Variants in WDR19 observed in about 807,000 individuals in gnomAD.
WDR19 encodes WD repeat-containing protein 19.
WDR19 carries 121 observed loss-of-function variants against 180.0 expected under a neutral mutation model. The observed-to-expected ratio is 0.67, with a 90% CI of 0.58 to 0.78. The LOEUF (loss-of-function observed/expected upper bound fraction) is 0.78. Ranked by LOEUF, WDR19 falls within the 30% of genes least tolerant of loss-of-function variation. WDR19 has a pLI of 0.00. For missense variants in WDR19, 1,450 were observed against 1,640.7 expected (o/e 0.88, Z 2.01); for synonymous variants, 497 against 540.7 (o/e 0.92, Z 1.12).
In WDR19 at chr4:39,239,906, G is replaced by A. The variant is rs528021142; in HGVS notation, c.2364-371G>A. Among the ~76,000 whole-genome samples the A allele has an allele frequency of 7.2e-5, 11 of 152,242 alleles. No homozygotes were observed. In the South Asian group the frequency reaches 2.3e-3, roughly 32 times the overall value. On this transcript the variant is annotated intron_variant, in intron 20 of 36. Coordinates refer to ENST00000399820, the MANE Select transcript of WDR19 (RefSeq NM_025132.4). ...ATTGGTCTACTACTCCCCAGTGGTG[G>A]CTCATGCCTGTAATCCCAGCACTTT...
chr4:39,266,067 G>T lies in WDR19; in HGVS notation c.3188G>T (p.Gly1063Val), dbSNP rs760222006. The change falls in exon 29 of 37, where the codon GGT becomes GTT. Residue 1063 changes from glycine to valine, a missense_variant. Physicochemically the swap from Gly to Val is moderately radical, Grantham distance 109 (BLOSUM62 -3). Coordinates refer to ENST00000399820, the MANE Select transcript of WDR19 (RefSeq NM_025132.4). Reference sequence around the variant, plus strand: ...TTTTTCTCTCTTATTAAACAGGTTGGTCAGGCCAAAGATGAACTGCTGACC... The same window carrying T: ...TTTTTCTCTCTTATTAAACAGGTTGTTCAGGCCAAAGATGAACTGCTGACC... ...VAIEMAIETVGQAKDELLTNQ... is the reference protein window; with the variant it reads ...VAIEMAIETVVQAKDELLTNQ... 1 of 1,554,042 alleles carries T rather than the reference G, an allele frequency of 6.4e-7. No individual in the cohort carries two copies. The highest frequency in any genetic ancestry group is 8.7e-7 in the Non-Finnish European group (1 of 1,148,418).
In WDR19 at chr4:39,237,322, G is replaced by A. The variant is rs113262828; in HGVS notation, c.2363+2447G>A. Among the ~76,000 whole-genome samples the A allele has an allele frequency of 8.6e-3, 1,310 of 152,180 alleles. 21 individuals are homozygous for A. The highest frequency in any genetic ancestry group is 0.03 in the African/African-American group (1,227 of 41,532). On this transcript the variant is annotated intron_variant, in intron 20 of 36. Coordinates refer to ENST00000399820, the MANE Select transcript of WDR19 (RefSeq NM_025132.4). ...GCCTGTAATCTTAGCACTTTGAGAG[G>A]CCCAAGGGAGGAAGACTGCTTGAGC...
chr4:39,192,427 G>A (rs1726263439), intron 4 of WDR19, among the ~76,000 whole-genome samples: 1 of 152,112 alleles, frequency 6.6e-6, no homozygotes, highest in Non-Finnish European at 1.5e-5. Context: ...AAGAAGTAAG[G>A]TTGGGAAGAA....
chr4:39,184,537 G>A (rs1469643363), intron 1 of WDR19, among the ~76,000 whole-genome samples: 2 of 151,174 alleles, frequency 1.3e-5, no homozygotes, highest in Non-Finnish European at 2.9e-5. Context: ...CACCATCTCG[G>A]CTCACTGCAA....
At chr4:39,231,754 G>C (rs761363794) in intron 17 of WDR19, 43 bp from the exon 18 acceptor site, 10 of 1,499,520 alleles carry the variant, frequency 6.7e-6, no homozygotes, top group Non-Finnish European at 9.0e-6. Flanking sequence ...CTAACATGTG[G>C]CAAGTGGAAC....
rs758936615 is a variant in WDR19 at position 39,244,508 on chromosome 4, C to T, written c.2601C>T (p.Leu867=). The change falls in exon 23 of 37, where the codon CTC becomes CTT. Residue 867 remains leucine (L), a synonymous_variant. Coordinates refer to ENST00000399820, the MANE Select transcript of WDR19 (RefSeq NM_025132.4). ...CGGCCCAACTGTATGAAAAAGGTCT[C>T]TACTACGATAAAGCAGCATCTGTTT... ...SEAAQLYEKG[L]YYDKAASVYI... is the part of the protein sequence containing the mutation. 2 of 1,614,000 alleles carry T rather than the reference C, an allele frequency of 1.2e-6. No homozygotes were observed. The highest frequency in any genetic ancestry group is 1.7e-6 in the Non-Finnish European group (2 of 1,179,894).
intron 1 of WDR19, among the ~76,000 whole-genome samples, chr4:39,183,827 T>C (rs1725233344): frequency 6.6e-6 from 1 of 152,156 alleles, no homozygotes; most frequent in Admixed American, 6.5e-5. Context: ...CTAGCAGTTT[T>C]TCCTCTGCAC....
intron 23 of WDR19, 68 bp downstream of exon 23, chr4:39,244,620 T>C: frequency 1.3e-6 from 2 of 1,536,988 alleles, no homozygotes; most frequent in Non-Finnish European, 1.8e-6. Context: ...GTCTCCCCAC[T>C]TGCCTCCTTG....
Position 39,278,332 on chromosome 4 carries a change from CT to C in WDR19, c.3917+127del. The C allele has an allele frequency of 3.9e-6, 4 of 1,020,942 alleles. No individual in the cohort carries two copies. The South Asian group carries it at 6.3e-5, about 16-fold the overall frequency. The allele number at this position is 1,020,942 out of a possible 1,614,324, so 63.2% of individuals were successfully genotyped here. ...AAGGATCTCTAAAGACTCAAATTGTCTTCTGGGAAGAACCTCCTGTGACCTT... is the reference window on the plus strand; with the variant it reads ...AAGGATCTCTAAAGACTCAAATTGTCTCTGGGAAGAACCTCCTGTGACCTT... On this transcript the variant is annotated intron_variant, in intron 35 of 36. Transcript: ENST00000399820.
At chr4:39,243,056 G>C (rs529302333) in intron 21 of WDR19, among the ~76,000 whole-genome samples, 17 of 152,178 alleles carry the variant, frequency 1.1e-4, no homozygotes, top group Non-Finnish European at 1.2e-4. Flanking sequence ...ATGAGACCCA[G>C]TCTCTTTAAA....
At chr4:39,192,604 G>A (rs914125580) in intron 4 of WDR19, among the ~76,000 whole-genome samples, 2 of 152,024 alleles carry the variant, frequency 1.3e-5, no homozygotes, top group African/African-American at 2.4e-5. Context: ...CAAGTAGCTC[G>A]GTGCCCACCA....
intron 36 of WDR19, among the ~76,000 whole-genome samples, chr4:39,285,083 C>CAT (rs943555429): frequency 6.6e-6 from 1 of 151,186 alleles, no homozygotes; most frequent in African/African-American, 2.4e-5. Flanking sequence ...AAAAAAGACA[C>CAT]ACACAAAGTC....
chr4:39,220,425 C>A (rs1370381987), intron 14 of WDR19, among the ~76,000 whole-genome samples: 1 of 151,920 alleles, frequency 6.6e-6, no homozygotes, highest in Non-Finnish European at 1.5e-5. Flanking sequence ...CTCAAGCAAT[C>A]GTCCTGCCTT....
chr4:39,273,152 C>A lies in WDR19; in HGVS notation c.3565+91C>A, dbSNP rs575263240. Reference sequence around the variant, plus strand: ...CCCTTTTGCAGGCTCCCCTCATACACTAACTCGTTTAATTCTCACAGCAGC... The same window carrying A: ...CCCTTTTGCAGGCTCCCCTCATACAATAACTCGTTTAATTCTCACAGCAGC... On this transcript the variant is annotated intron_variant, in intron 32 of 36. Coordinates refer to ENST00000399820, the MANE Select transcript of WDR19 (RefSeq NM_025132.4). 8.8e-5 allele frequency: 85 copies of A among 967,340 alleles called. No individual in the cohort carries two copies. In the African/African-American group the frequency reaches 1.4e-3, roughly 16 times the overall value. The allele number at this position is 967,340 out of a possible 1,614,324, so 59.9% of individuals were successfully genotyped here.
chr4:39,223,490 C>A (rs1209741649), intron 14 of WDR19, among the ~76,000 whole-genome samples: 3 of 150,450 alleles, frequency 2.0e-5, no homozygotes, highest in Non-Finnish European at 4.5e-5. Context: ...GCCACCACGC[C>A]CAGCAAATTT....
intron 27 of WDR19, 33 bp downstream of exon 27, chr4:39,255,993 C>A (rs1422218683): frequency 1.1e-6 from 1 of 924,852 alleles, no homozygotes; most frequent in Non-Finnish European, 1.5e-6. Flanking sequence ...TACACTGACT[C>A]CGCAGGAATA....
chr4:39,265,703 C>T (rs983112031), intron 28 of WDR19, among the ~76,000 whole-genome samples: 5 of 140,348 alleles, frequency 3.6e-5, no homozygotes, highest in Non-Finnish European at 7.5e-5. Context: ...ACCGGGGAGG[C>T]GGAGATTGCA....
chr4:39,274,965 A>G lies in WDR19; in HGVS notation c.3716+7A>G. ...AGATCGAGGGAATGGTCAGGTAGGC[A>G]GAGATGGCTATTTCTGCTATCTAAT... is the stretch of plus-strand genomic sequence containing the variant. On this transcript the variant is annotated splice_region_variant and intron_variant, in intron 33 of 36. Coordinates refer to ENST00000399820, the MANE Select transcript of WDR19 (RefSeq NM_025132.4). The G allele has an allele frequency of 1.2e-6, 2 of 1,613,384 alleles. No homozygotes were observed. Among genetic ancestry groups the G allele is most frequent in the Non-Finnish European group, 1.7e-6 (2 of 1,179,818 alleles).
chr4:39,242,778 G>A (rs190560186), intron 21 of WDR19, among the ~76,000 whole-genome samples: 12 of 152,200 alleles, frequency 7.9e-5, no homozygotes, highest in African/African-American at 2.4e-4. Flanking sequence ...AGTGATTCTC[G>A]TACCTCTCAG....
Sources: allele counts gnomAD v4.1 joint callset (sites outside exome capture counted in the v4.1 genomes callset), GRCh38; gene constraint gnomAD v4.1.1; transcripts MANE v1.5; gene names NCBI Gene and HGNC (gene_info 2026-07-23, HGNC 2026-07-21).